CST6: variants seen among roughly 807,000 people sequenced by gnomAD.
CST6 encodes the protein cystatin-M.
In CST6, 8 loss-of-function variants were observed where a neutral mutation model predicts 10.7. That is an observed-to-expected ratio of 0.75 (90% CI 0.44 to 1.34). The LOEUF (loss-of-function observed/expected upper bound fraction) is 1.34. Among genes scored for constraint, CST6 ranks in the 40% most tolerant of loss-of-function variants. The pLI, the probability that CST6 is intolerant of heterozygous loss-of-function variation, is 0.01. For missense variants in CST6, 206 were observed against 205.1 expected (o/e 1.00, Z -0.03); for synonymous variants, 100 against 89.3 (o/e 1.12, Z -0.68).
At position 66,012,854 on chromosome 11, in the gene CST6, C is replaced by T. The variant is rs1474618215; in HGVS notation, c.269C>T (p.Thr90Met). ...QLVAGIKYFLTMEMGSTDCRK... is the reference protein window; with the variant it reads ...QLVAGIKYFLMMEMGSTDCRK... ...GTGGCCGGCATCAAGTACTTCCTGACGATGGAGATGGGGAGCACAGACTGC... is the reference window on the plus strand; with the variant it reads ...GTGGCCGGCATCAAGTACTTCCTGATGATGGAGATGGGGAGCACAGACTGC... The change falls in exon 2 of 3, where the codon ACG (threonine) becomes ATG (methionine). Residue 90 changes from threonine (T) to methionine (M), a missense_variant. Coordinates refer to ENST00000312134, the MANE Select transcript of CST6 (RefSeq NM_001323.4). 8 of 1,609,848 alleles carry T rather than the reference C, an allele frequency of 5.0e-6. No homozygotes were observed. Among genetic ancestry groups the T allele is most frequent in the East Asian group, 2.2e-5 (1 of 44,780 alleles).
chr11:66,012,380 A>G, intron 1 of CST6, 96 bp downstream of exon 1: 1 of 1,373,426 alleles, frequency 7.3e-7, no homozygotes. Flanking sequence ...TAAAAGCGCA[A>G]TCGGGATATT....
At chr11:66,012,330 G>A (rs757571257) in intron 1 of CST6, 46 bp downstream of exon 1, 3 of 1,538,176 alleles carry the variant, frequency 2.0e-6, no homozygotes, top group Non-Finnish European at 2.6e-6. Flanking sequence ...CCCAGATGGG[G>A]GAGGCCACAG....
At position 66,012,857 on chromosome 11, in the gene CST6, T is replaced by C. The variant is rs763513099; in HGVS notation, c.272T>C (p.Met91Thr). 12 of 1,609,904 alleles carry C rather than the reference T, an allele frequency of 7.5e-6. No individual in the cohort carries two copies. In the African/African-American group the frequency reaches 1.5e-4, roughly 20 times the overall value. Reference sequence around the variant, plus strand: ...GCCGGCATCAAGTACTTCCTGACGATGGAGATGGGGAGCACAGACTGCCGC... The same window carrying C: ...GCCGGCATCAAGTACTTCCTGACGACGGAGATGGGGAGCACAGACTGCCGC... ...LVAGIKYFLTMEMGSTDCRKT... is the reference protein window; with the variant it reads ...LVAGIKYFLTTEMGSTDCRKT... The change falls in exon 2 of 3, where the codon ATG becomes ACG. Residue 91 changes from methionine (M) to threonine (T), a missense_variant. Transcript: ENST00000312134.
chr11:66,013,173 C>A, intron 2 of CST6, 144 bp from the exon 3 acceptor site: 1 of 986,694 alleles, frequency 1.0e-6, no homozygotes. Context: ...GAGTCTAGCC[C>A]CAGACATGCG....
chr11:66,013,244 G>A, intron 2 of CST6, 73 bp from the exon 3 acceptor site: 1 of 1,400,784 alleles, frequency 7.1e-7, no homozygotes, highest in East Asian at 2.3e-5. Context: ...CTGGCAGGCA[G>A]AGGGCTGGCT....
chr11:66,013,228 A>G (rs536494158), intron 2 of CST6, 89 bp from the exon 3 acceptor site: 1 of 1,223,300 alleles, frequency 8.2e-7, no homozygotes, highest in South Asian at 1.2e-5. Context: ...CTTGGCCTGG[A>G]GCAGCCTGGC....
At chr11:66,012,674 A>ACCCCCCCCCCCCCCCCCCCCCCCCC in intron 1 of CST6, 152 bp from the exon 2 acceptor site, 1 of 39,864 alleles carries the variant, frequency 2.5e-5, no homozygotes, top group Admixed American at 3.2e-4. Flanking sequence ...TCCCCCCCCC[A>ACCCCCCCCCCCCCCCCCCCCCCCCC]CCCCCCCCCA....
intron 1 of CST6, 37 bp downstream of exon 1, chr11:66,012,321 C>A: frequency 1.3e-6 from 2 of 1,551,476 alleles, no homozygotes; most frequent in Non-Finnish European, 1.7e-6. Context: ...GACACCCGGC[C>A]CAGATGGGGG....
In CST6 at chr11:66,012,812, C is replaced by T; in HGVS notation, c.241-14C>T. On this transcript the variant is annotated splice_polypyrimidine_tract_variant and intron_variant, in intron 1 of 2. Coordinates refer to ENST00000312134, the MANE Select transcript of CST6 (RefSeq NM_001323.4). Reference sequence around the variant, plus strand: ...GGTCAAGACCCCTGACCTGCCCCTACCCTATGCCCCCAGCTGGTGGCCGGC... The same window carrying T: ...GGTCAAGACCCCTGACCTGCCCCTATCCTATGCCCCCAGCTGGTGGCCGGC... The T allele has an allele frequency of 6.3e-7, 1 of 1,598,206 alleles. No homozygotes were observed. The highest frequency in any genetic ancestry group is 8.6e-7 in the Non-Finnish European group (1 of 1,169,082).
In CST6 at chr11:66,012,018, C is replaced by T. The variant is rs1330589141; in HGVS notation, c.-27C>T. ...GGCCGCAAGCTCGGCACTCACGGCT[C>T]TGAGGGCTCCGACGGCACTGACGGC... On this transcript the variant is annotated 5_prime_UTR_variant, in exon 1 of 3. Transcript: ENST00000312134. 24 of 1,509,298 alleles carry T rather than the reference C, an allele frequency of 1.6e-5. No homozygotes were observed. The highest frequency in any genetic ancestry group is 6.2e-6 in the Non-Finnish European group (7 of 1,136,770). 93.5% of individuals were successfully genotyped at this position (1,509,298 alleles called of 1,614,324 possible).
rs1365650413 is a variant in CST6 at position 66,012,956 on chromosome 11, C to G, written c.366+5C>G. On this transcript the variant is annotated splice_donor_5th_base_variant and intron_variant, in intron 2 of 2. Coordinates refer to ENST00000312134, the MANE Select transcript of CST6 (RefSeq NM_001323.4). ...GCAGCAGGGGCGCAGCAGGAGGTAA[C>G]AGCTGGGCTCCTCCAGCCCCAGCCC... is the stretch of plus-strand genomic sequence containing the variant. 1 of 1,613,124 alleles carries G rather than the reference C, an allele frequency of 6.2e-7. No individual in the cohort carries two copies. The highest frequency in any genetic ancestry group is 2.2e-5 in the East Asian group (1 of 44,846).
In CST6 at chr11:66,012,135, C is replaced by T. The variant is rs1856173191; in HGVS notation, c.91C>T (p.Gln31Ter). 6.4e-7 allele frequency: 1 copy of T among 1,551,400 alleles called. No homozygotes were observed. The highest frequency in any genetic ancestry group is 8.7e-7 in the Non-Finnish European group (1 of 1,153,032). Residue 31 changes from glutamine (Q) to a stop codon, truncating the protein, a stop_gained, in exon 1 of 3, where the codon CAG (glutamine) becomes TAG (stop). Coordinates refer to ENST00000312134, the MANE Select transcript of CST6 (RefSeq NM_001323.4). LOFTEE classifies it high-confidence loss of function. ...GCCACGCGACGCCCGGGCCCGGCCG[C>T]AGGAGCGCATGGTCGGAGAACTCCG... ...ALPRDARARP[Q>*]ERMVGELRDL...
At position 66,013,499 on chromosome 11, in the gene CST6, T is replaced by G; in HGVS notation, c.*99T>G. The G allele has an allele frequency of 2.0e-6, 2 of 991,972 alleles. No homozygotes were observed. The highest frequency in any genetic ancestry group is 3.2e-6 in the Non-Finnish European group (2 of 616,642). 61.4% of individuals were successfully genotyped at this position (991,972 alleles called of 1,614,324 possible). ...GTCACAATAAATGGCCAGTGCTGCT[T>G]CTTGCATTGGTTTCTTCCAAGTGCT... On this transcript the variant is annotated 3_prime_UTR_variant, in exon 3 of 3. Coordinates refer to ENST00000312134, the MANE Select transcript of CST6 (RefSeq NM_001323.4).
At chr11:66,012,541 G>A (rs951259567) in intron 1 of CST6, among the ~76,000 whole-genome samples, 1 of 152,036 alleles carries the variant, frequency 6.6e-6, no homozygotes, top group African/African-American at 2.4e-5. Context: ...GGGGTGGATC[G>A]GGGAGGAGGG....
In CST6 at chr11:66,012,275, G is replaced by C; in HGVS notation, c.231G>C (p.Ala77=). The C allele has an allele frequency of 6.3e-7, 1 of 1,598,730 alleles. No homozygotes were observed. The highest frequency in any genetic ancestry group is 1.1e-5 in the South Asian group (1 of 89,886). Residue 77 remains alanine, a synonymous_variant, in exon 1 of 3, where the codon GCG becomes GCC. Coordinates refer to ENST00000312134, the MANE Select transcript of CST6 (RefSeq NM_001323.4). ...YYFRDTHIIK[A]QSQLVAGIKY... ...TCCGAGACACGCACATCATCAAGGC[G>C]CAGAGCCAGGTGCGGCGGGCGGGGT... is the stretch of plus-strand genomic sequence containing the variant.
rs763249580 is a variant in CST6, at chr11:66,013,387, G to A, written c.437G>A (p.Cys146Tyr). ...TCCTCTCAGCTCCTAAAGCACAACT[G>A]TGTGCAGATGTGATAAGTCCCCGAG... is the stretch of plus-strand genomic sequence containing the variant. The part of the protein sequence containing the change: ...QNSSQLLKHN[C>Y]VQM The change falls in exon 3 of 3, where the codon TGT (cysteine) becomes TAT (tyrosine). Residue 146 changes from cysteine to tyrosine, a missense_variant. Transcript: ENST00000312134. 1 of 1,614,170 alleles carries A rather than the reference G, an allele frequency of 6.2e-7. No homozygotes were observed. The highest frequency in any genetic ancestry group is 1.1e-5 in the South Asian group (1 of 91,088).
rs1391522082 is a variant in CST6, at chr11:66,013,305, T to C, written c.367-12T>C. The C allele has an allele frequency of 6.2e-6, 10 of 1,612,798 alleles. No individual in the cohort carries two copies. In the Admixed American group the frequency reaches 6.7e-5, roughly 11 times the overall value. On this transcript the variant is annotated splice_polypyrimidine_tract_variant and intron_variant, in intron 2 of 2. Coordinates refer to ENST00000312134, the MANE Select transcript of CST6 (RefSeq NM_001323.4). ...GGCTCACCCCTCCTTCTCCCCCATATTCCCTCCACAGAAGCTGCGCTGTGA... is the reference window on the plus strand; with the variant it reads ...GGCTCACCCCTCCTTCTCCCCCATACTCCCTCCACAGAAGCTGCGCTGTGA...
At chr11:66,012,430 C>T in intron 1 of CST6, 146 bp downstream of exon 1, 3 of 1,094,164 alleles carry the variant, frequency 2.7e-6, no homozygotes, top group Non-Finnish European at 3.8e-6. Flanking sequence ...TGCTAAAACT[C>T]CACGATGGAC....
At chr11:66,012,305 G>T in intron 1 of CST6, 21 bp downstream of exon 1, 1 of 1,572,324 alleles carries the variant, frequency 6.4e-7, no homozygotes. Context: ...CGGGGTGCTG[G>T]GAGGGGACAC....
Sources: gnomAD v4.1 joint callset for allele counts (sites outside exome capture counted in the v4.1 genomes callset) on GRCh38, gnomAD v4.1.1 for gene constraint, MANE v1.5 for transcripts, NCBI Gene and HGNC (gene_info 2026-07-23, HGNC 2026-07-21) for gene names.